DPY19L4: variants seen among roughly 807,000 people sequenced by gnomAD.
DPY19L4 encodes dpy-19 like 4.
Under a neutral mutation model 102.8 loss-of-function variants are expected in DPY19L4, and 97 were observed. The observed-to-expected ratio is 0.94, with a 90% CI of 0.80 to 1.12. The LOEUF is 1.12. Among genes scored for constraint, DPY19L4 ranks in the 50% most tolerant of loss-of-function variants. The pLI, the probability that DPY19L4 is intolerant of heterozygous loss-of-function variation, is 0.00. For synonymous variants in DPY19L4, 252 were observed against 283.1 expected (o/e 0.89, Z 1.10); for missense variants, 815 against 850.4 (o/e 0.96, Z 0.52).
At chr8:94,786,092 C>T (rs1342303162) in intron 17 of DPY19L4, among the ~76,000 whole-genome samples, 1 of 152,150 alleles carries the variant, frequency 6.6e-6, no homozygotes, top group South Asian at 2.1e-4. Context: ...CCAAACTGAA[C>T]TCCATAAATG....
chr8:94,749,016 AC>A (rs1305323822), intron 6 of DPY19L4, among the ~76,000 whole-genome samples: 1 of 152,202 alleles, frequency 6.6e-6, no homozygotes, highest in Non-Finnish European at 1.5e-5. Context: ...GGTGAAAGGC[AC>A]GTCTCACATG....
chr8:94,757,753 A>G (rs76822525), intron 7 of DPY19L4, among the ~76,000 whole-genome samples: 3,916 of 152,050 alleles, frequency 0.026, 170 homozygotes, highest in African/African-American at 0.089. Flanking sequence ...ATGATTGAAT[A>G]TTTTCCTGTT....
intron 6 of DPY19L4, among the ~76,000 whole-genome samples, chr8:94,752,669 A>ATTT (rs564060608): frequency 2.3e-5 from 3 of 127,748 alleles, no homozygotes; most frequent in Non-Finnish European, 3.2e-5. Flanking sequence ...TTTTTTTACG[A>ATTT]TTTTTTTTTT....
intron 6 of DPY19L4, chr8:94,745,162 C>T (rs1047305088): frequency 1.3e-5 from 2 of 153,820 alleles, no homozygotes; most frequent in African/African-American, 4.8e-5. Flanking sequence ...TAAAATCGTT[C>T]CTGTTTGTTC....
At chr8:94,722,592 T>C (rs550244746) in intron 1 of DPY19L4, among the ~76,000 whole-genome samples, 69 of 152,292 alleles carry the variant, frequency 4.5e-4, no homozygotes, top group Non-Finnish European at 7.1e-4. Flanking sequence ...AAGGATATAA[T>C]AGTCAACAAT....
intron 2 of DPY19L4, among the ~76,000 whole-genome samples, chr8:94,727,490 T>C (rs1810742452): frequency 6.6e-6 from 1 of 152,164 alleles, no homozygotes; most frequent in Non-Finnish European, 1.5e-5. Context: ...TGCCACAACC[T>C]CTCAAAGTGC....
At chr8:94,756,519 A>G (rs1349129416) in intron 7 of DPY19L4, among the ~76,000 whole-genome samples, 2 of 152,234 alleles carry the variant, frequency 1.3e-5, no homozygotes, top group African/African-American at 2.4e-5. Context: ...AACAAGATGT[A>G]AAGAGTGACC....
At chr8:94,764,689 G>A (rs1438369462) in intron 8 of DPY19L4, among the ~76,000 whole-genome samples, 85 of 43,196 alleles carry the variant, frequency 2.0e-3, no homozygotes, top group Non-Finnish European at 2.5e-3. Flanking sequence ...GTCTGTGTGT[G>A]TATATATATA....
intron 2 of DPY19L4, among the ~76,000 whole-genome samples, chr8:94,726,938 AG>A (rs1165613926): frequency 6.6e-6 from 1 of 152,164 alleles, no homozygotes; most frequent in Non-Finnish European, 1.5e-5. Flanking sequence ...ATAATAATAT[AG>A]TTTACCACAC....
chr8:94,727,512 G>A (rs924507260), intron 2 of DPY19L4, among the ~76,000 whole-genome samples: 4 of 152,242 alleles, frequency 2.6e-5, no homozygotes, highest in Non-Finnish European at 5.9e-5. Context: ...GAGATTATAG[G>A]CATAAGCCAC....
chr8:94,765,924 T>C (rs1812654459), intron 10 of DPY19L4, 115 bp downstream of exon 10: 5 of 649,574 alleles, frequency 7.7e-6, no homozygotes, highest in Middle Eastern at 8.8e-4. Context: ...CAGTATAATT[T>C]TGAGTTAAAC....
At chr8:94,777,897 T>C in intron 14 of DPY19L4, 111 bp downstream of exon 14, 6 of 1,293,080 alleles carry the variant, frequency 4.6e-6, no homozygotes, top group Non-Finnish European at 6.3e-6. Flanking sequence ...ACATGATGAC[T>C]TACAGGTAGA....
At chr8:94,731,472 A>G (rs975810641) in intron 2 of DPY19L4, among the ~76,000 whole-genome samples, 4 of 152,198 alleles carry the variant, frequency 2.6e-5, no homozygotes, top group Admixed American at 2.0e-4. Context: ...GCTGGAGTGC[A>G]CTGGTGTGAT....
intron 6 of DPY19L4, among the ~76,000 whole-genome samples, chr8:94,751,970 A>G (rs1037454415): frequency 1.3e-5 from 2 of 152,160 alleles, no homozygotes; most frequent in African/African-American, 4.8e-5. Context: ...GTTCTATTAC[A>G]TAGTATGGAT....
chr8:94,738,089 T>C (rs1406157037), intron 3 of DPY19L4, among the ~76,000 whole-genome samples: 1 of 150,792 alleles, frequency 6.6e-6, no homozygotes, highest in Non-Finnish European at 1.5e-5. Context: ...GAGGCTGAGG[T>C]GGGTGGATCA....
At chr8:94,755,194 T>C (rs188682368) in intron 6 of DPY19L4, among the ~76,000 whole-genome samples, 75 of 152,340 alleles carry the variant, frequency 4.9e-4, no homozygotes, top group African/African-American at 1.8e-3. Flanking sequence ...AAAAGATTAT[T>C]GAATTAGATA....
chr8:94,787,656 T>G (rs1813709628), intron 17 of DPY19L4, among the ~76,000 whole-genome samples: 1 of 152,092 alleles, frequency 6.6e-6, no homozygotes, highest in African/African-American at 2.4e-5. Flanking sequence ...CCAGAGCTTA[T>G]TATCTAATAA....
At chr8:94,720,060 G>C in intron 1 of DPY19L4, 46 bp downstream of exon 1, 1 of 1,515,412 alleles carries the variant, frequency 6.6e-7, no homozygotes, top group Non-Finnish European at 8.8e-7. Flanking sequence ...CAGTGGTCTC[G>C]GGAAGGAGGG....
chr8:94,776,286 G>A (rs1408220236), intron 13 of DPY19L4, among the ~76,000 whole-genome samples: 1 of 151,750 alleles, frequency 6.6e-6, no homozygotes, highest in Non-Finnish European at 1.5e-5. Flanking sequence ...CACTGCCTCG[G>A]CCTCTTAATT....
Sources: gnomAD v4.1 joint callset for allele counts (sites outside exome capture counted in the v4.1 genomes callset) on GRCh38, gnomAD v4.1.1 for gene constraint, MANE v1.5 for transcripts, NCBI Gene and HGNC (gene_info 2026-07-23, HGNC 2026-07-21) for gene names.